Variants in GRIP1 observed in about 807,000 individuals in gnomAD.
The protein encoded by GRIP1 is glutamate receptor interacting protein 1.
Under a neutral mutation model 129.9 loss-of-function variants are expected in GRIP1, and 45 were observed. That is an observed-to-expected ratio of 0.35 (90% CI 0.27 to 0.44). The LOEUF (loss-of-function observed/expected upper bound fraction) is 0.44. GRIP1 is among the 20% of genes least tolerant of loss of function. The probability of loss-of-function intolerance (pLI) is 1.00; values close to 1 mark genes in which losing one functional copy is unlikely to be tolerated. For synonymous variants in GRIP1, 530 were observed against 520.8 expected, an observed-to-expected ratio of 1.02 and a Z score of -0.24; for missense variants, 1,196 against 1,396.8, an observed-to-expected ratio of 0.86 and a Z score of 2.29.
intron 2 of GRIP1, among the ~76,000 whole-genome samples, chr12:66,566,919 T>TGG: frequency 6.6e-6 from 1 of 152,372 alleles, no homozygotes; most frequent in Admixed American, 6.5e-5. Context: ...TTTATTTTCA[T>TGG]GGAGGTGTTT....
chr12:66,997,380 G>A (rs7960783), intron 1 of GRIP1, among the ~76,000 whole-genome samples: 62,779 of 151,878 alleles, frequency 0.41, 13,868 homozygotes, highest in Non-Finnish European at 0.48. Context: ...GGAGTTCAAG[G>A]CCAGCCAGGG....
intron 2 of GRIP1, among the ~76,000 whole-genome samples, chr12:66,554,763 C>T (rs1405018941): frequency 6.6e-6 from 1 of 152,122 alleles, no homozygotes; most frequent in African/African-American, 2.4e-5. Context: ...GGCAGTATTC[C>T]CCATGGCACA....
intron 1 of GRIP1, among the ~76,000 whole-genome samples, chr12:66,670,019 A>G (rs1316949636): frequency 6.6e-6 from 1 of 152,214 alleles, no homozygotes; most frequent in Non-Finnish European, 1.5e-5. Flanking sequence ...GATGACTTTA[A>G]CCAATGAAGT....
At chr12:66,480,740 G>C (rs998042172) in intron 7 of GRIP1, among the ~76,000 whole-genome samples, 4 of 151,970 alleles carry the variant, frequency 2.6e-5, no homozygotes, top group African/African-American at 9.7e-5. Context: ...CAGAACAGAG[G>C]CCTCAGAAAT....
rs769216914 is a variant in GRIP1 at position 67,026,337 on chromosome 12, C to G, written c.58+42713G>C. Reference sequence around the variant, plus strand: ...TAGTTCTCATATTCTACATTTTCAGCCTTTTGTTGGGAAAATTTTTTCTCA... The same window carrying G: ...TAGTTCTCATATTCTACATTTTCAGGCTTTTGTTGGGAAAATTTTTTCTCA... On this transcript the variant is annotated intron_variant, in intron 1 of 1. Transcript: ENST00000643019. Among the ~76,000 whole-genome samples, 6 of 152,138 alleles carry G rather than the reference C, an allele frequency of 3.9e-5. No homozygotes were observed. The East Asian group carries it at 9.6e-4, about 24-fold the overall frequency.
At chr12:66,539,267 T>G (rs778752061) in intron 3 of GRIP1, 44 bp from the exon 4 acceptor site, 2 of 1,612,448 alleles carry the variant, frequency 1.2e-6, no homozygotes, top group African/African-American at 2.7e-5. Context: ...ACCCTCTCCA[T>G]AGGCCAGTCT....
At chr12:66,878,485 G>A (rs1366261038) in intron 1 of GRIP1, among the ~76,000 whole-genome samples, 1 of 152,036 alleles carries the variant, frequency 6.6e-6, no homozygotes, top group Non-Finnish European at 1.5e-5. Flanking sequence ...ATGGAGGGCA[G>A]ATTGGAGTGA....
intron 1 of GRIP1, among the ~76,000 whole-genome samples, chr12:66,761,224 C>CT (rs1353579292): frequency 6.6e-6 from 1 of 151,966 alleles, no homozygotes; most frequent in Non-Finnish European, 1.5e-5. Context: ...ACAAACCTTT[C>CT]TTAAGTACAA....
chr12:66,670,656 A>T (rs1182666149), intron 1 of GRIP1, among the ~76,000 whole-genome samples: 9 of 152,194 alleles, frequency 5.9e-5, no homozygotes, highest in African/African-American at 2.2e-4. Context: ...TTTGATTGCA[A>T]ATAACAGAAA....
At chr12:66,914,501 T>G (rs1235366860) in intron 1 of GRIP1, among the ~76,000 whole-genome samples, 1 of 152,202 alleles carries the variant, frequency 6.6e-6, no homozygotes, top group African/African-American at 2.4e-5. Flanking sequence ...CATTAGCACA[T>G]CAGTAATGAC....
chr12:66,421,812 C>T (rs1473569214), intron 14 of GRIP1, among the ~76,000 whole-genome samples: 1 of 151,578 alleles, frequency 6.6e-6, no homozygotes, highest in Non-Finnish European at 1.5e-5. Flanking sequence ...TATCAATTTT[C>T]TCAGGAATAT....
At chr12:66,785,331 C>CATATATATAT (rs1180271589) in intron 1 of GRIP1, among the ~76,000 whole-genome samples, 60 of 35,006 alleles carry the variant, frequency 1.7e-3, no homozygotes, top group African/African-American at 4.4e-3. Context: ...TACATACATA[C>CATATATATAT]ATACATACAT....
intron 1 of GRIP1, among the ~76,000 whole-genome samples, chr12:66,831,003 C>T (rs2039506971): frequency 6.6e-6 from 1 of 151,966 alleles, no homozygotes; most frequent in Non-Finnish European, 1.5e-5. Context: ...TGTGCCACTA[C>T]ACTTGGGTAA....
At chr12:67,061,252 C>G (rs117251311) in intron 1 of GRIP1, among the ~76,000 whole-genome samples, 1 of 152,184 alleles carries the variant, frequency 6.6e-6, no homozygotes, top group Non-Finnish European at 1.5e-5. Flanking sequence ...TGCTAATAGG[C>G]AAATGTACCT....
chr12:66,399,908 C>T (rs940373951), intron 16 of GRIP1, among the ~76,000 whole-genome samples: 9 of 151,914 alleles, frequency 5.9e-5, no homozygotes, highest in African/African-American at 1.9e-4. Flanking sequence ...ACCATTTGAA[C>T]AACACTCTCT....
intron 1 of GRIP1, among the ~76,000 whole-genome samples, chr12:66,868,602 A>C (rs942420766): frequency 5.9e-5 from 9 of 152,040 alleles, no homozygotes; most frequent in African/African-American, 2.2e-4. Context: ...AAATCTACAA[A>C]ATATAGTTGG....
chr12:66,422,604 C>T (rs1208897453), intron 14 of GRIP1, among the ~76,000 whole-genome samples: 1 of 152,122 alleles, frequency 6.6e-6, no homozygotes, highest in African/African-American at 2.4e-5. Context: ...CCATGTTCCA[C>T]TGAAATGGTC....
intron 1 of GRIP1, among the ~76,000 whole-genome samples, chr12:66,621,750 C>G (rs184786660): frequency 2.2e-3 from 337 of 152,244 alleles, no homozygotes; most frequent in Non-Finnish European, 3.9e-3. Flanking sequence ...CACATTCCTG[C>G]TAATACTTGC....
chr12:66,753,982 A>G (rs2037206071), intron 1 of GRIP1, among the ~76,000 whole-genome samples: 1 of 152,250 alleles, frequency 6.6e-6, no homozygotes, highest in Non-Finnish European at 1.5e-5. Flanking sequence ...CTTGAATGTC[A>G]TGCTTAAACA....
Sources: gnomAD v4.1 joint callset for allele counts (sites outside exome capture counted in the v4.1 genomes callset) on GRCh38, gnomAD v4.1.1 for gene constraint, MANE v1.5 for transcripts, NCBI Gene and HGNC (gene_info 2026-07-23, HGNC 2026-07-21) for gene names.